The following TATDN3 variants were observed in gnomAD, a reference collection of about 807,000 sequenced individuals.
The protein encoded by TATDN3 is TatD DNase domain containing 3.
Under a neutral mutation model 40.1 loss-of-function variants are expected in TATDN3, and 29 were observed. That is an observed-to-expected ratio of 0.72 (90% CI 0.54 to 0.99). TATDN3 has a LOEUF of 0.99. Ranked by LOEUF, TATDN3 falls within the 50% of genes least tolerant of loss-of-function variation. The probability of loss-of-function intolerance (pLI) is 0.00; values close to 1 mark genes in which losing one functional copy is unlikely to be tolerated. For synonymous variants in TATDN3, 105 were observed against 117.0 expected, an observed-to-expected ratio of 0.90 and a Z score of 0.66; for missense variants, 309 against 321.9, an observed-to-expected ratio of 0.96 and a Z score of 0.31.
At chr1:212,799,528 G>A (rs1662038540) in intron 4 of TATDN3, among the ~76,000 whole-genome samples, 1 of 151,558 alleles carries the variant, frequency 6.6e-6, no homozygotes, top group African/African-American at 2.4e-5. Context: ...CCAACAGTAT[G>A]ATAGGTACTT....
intron 7 of TATDN3, among the ~76,000 whole-genome samples, chr1:212,806,783 TACACAC>T (rs1553257532): frequency 1.3e-5 from 1 of 79,522 alleles, no homozygotes; most frequent in Non-Finnish European, 2.4e-5. Context: ...TATATATATA[TACACAC>T]ACACACACAC....
At chr1:212,812,986 A>C (rs1189597086) in intron 9 of TATDN3, among the ~76,000 whole-genome samples, 1 of 152,132 alleles carries the variant, frequency 6.6e-6, no homozygotes, top group East Asian at 1.9e-4. Flanking sequence ...CAGCCTGGGC[A>C]ACAAGAGCAA....
chr1:212,806,783 T>C (rs9430100), intron 7 of TATDN3, among the ~76,000 whole-genome samples: 22,459 of 79,440 alleles, frequency 0.28, 6,159 homozygotes, highest in East Asian at 0.53. Flanking sequence ...TATATATATA[T>C]ACACACACAC....
chr1:212,810,199 A>G (rs555159952), intron 8 of TATDN3, among the ~76,000 whole-genome samples: 10 of 152,144 alleles, frequency 6.6e-5, no homozygotes, highest in African/African-American at 2.2e-4. Flanking sequence ...CCCTGTCTCT[A>G]CAAAACATAT....
intron 4 of TATDN3, among the ~76,000 whole-genome samples, chr1:212,800,012 G>A (rs1206491391): frequency 6.6e-6 from 1 of 152,158 alleles, no homozygotes; most frequent in Non-Finnish European, 1.5e-5. Context: ...CTTTAAAACA[G>A]GAAGTATGCC....
At chr1:212,799,096 T>C (rs1274802283) in intron 4 of TATDN3, among the ~76,000 whole-genome samples, 1 of 152,076 alleles carries the variant, frequency 6.6e-6, no homozygotes. Context: ...AAGGTAGGAA[T>C]AAGCTCAGTG....
At position 212,816,575 on chromosome 1, in the gene TATDN3, G is replaced by C. The variant is rs1663196512; in HGVS notation, c.*1419G>C. 1.3e-5 allele frequency: 2 copies of C among 152,094 alleles called. No individual in the cohort carries two copies. The highest frequency in any genetic ancestry group is 4.8e-5 in the African/African-American group (2 of 41,434). The allele number at this position is 152,094 out of a possible 1,614,324, so 9.4% of individuals were successfully genotyped here. A position where few individuals can be genotyped will look rare whatever the true frequency, so the allele number is the denominator to read the frequency against. The stretch of plus-strand genomic sequence containing the variant: ...TTGTTAAATTATATAAGCAGAAAAT[G>C]CTGGAAAAAGTACCTGTCATAGAAA... On this transcript the variant is annotated 3_prime_UTR_variant, in exon 10 of 10. Coordinates refer to ENST00000366974, the MANE Select transcript of TATDN3 (RefSeq NM_001042552.3).
intron 4 of TATDN3, among the ~76,000 whole-genome samples, chr1:212,799,861 A>G (rs78900751): frequency 2.0e-5 from 3 of 152,206 alleles, no homozygotes; most frequent in Non-Finnish European, 4.4e-5. Flanking sequence ...TTGATTATCA[A>G]AGCAGATATG....
At chr1:212,796,160 G>T (rs1029276727) in intron 2 of TATDN3, among the ~76,000 whole-genome samples, 7 of 152,198 alleles carry the variant, frequency 4.6e-5, no homozygotes, top group African/African-American at 1.7e-4. Flanking sequence ...AATGGTTGTA[G>T]TGCATTTTTA....
chr1:212,798,554 A>G (rs571433946), intron 4 of TATDN3, among the ~76,000 whole-genome samples: 197 of 149,164 alleles, frequency 1.3e-3, no homozygotes, highest in Non-Finnish European at 2.1e-3. Context: ...AAAAAAAAAA[A>G]AAAAGAAAAG....
intron 1 of TATDN3, among the ~76,000 whole-genome samples, chr1:212,794,410 G>A: frequency 6.6e-6 from 1 of 152,126 alleles, no homozygotes; most frequent in Non-Finnish European, 1.5e-5. Context: ...GGCCAACATG[G>A]TGAAACACCA....
intron 7 of TATDN3, among the ~76,000 whole-genome samples, chr1:212,807,456 T>C (rs1319108556): frequency 6.6e-6 from 1 of 152,056 alleles, no homozygotes; most frequent in East Asian, 1.9e-4. Flanking sequence ...TTTCACCATG[T>C]TGGCCAGGCT....
At chr1:212,806,642 G>A (rs1032963) in intron 7 of TATDN3, among the ~76,000 whole-genome samples, 94,350 of 148,036 alleles carry the variant, frequency 0.64, 30,458 homozygotes, top group Non-Finnish European at 0.69. Flanking sequence ...CAGCATCCCA[G>A]AGTGCTGGGA....
rs758282316 is a variant in TATDN3 at position 212,804,353 on chromosome 1, AC to A, written c.356del (p.Thr119MetfsTer12). On this transcript the variant is annotated frameshift_variant, in exon 6 of 10. Transcript: ENST00000366974. LOFTEE classifies it high-confidence loss of function. ...AGATTTCTCCCCCAGATTTGCTGGCACTGGTGAACAGAAGGAAGAGCAAAGA... is the reference window on the plus strand; with the variant it reads ...AGATTTCTCCCCCAGATTTGCTGGCATGGTGAACAGAAGGAAGAGCAAAGA... ...GLDFSPRFAG[T>X]GEQKEEQRQV... 50 of 1,614,066 alleles carry A rather than the reference AC, an allele frequency of 3.1e-5. No homozygotes were observed. The Admixed American group carries it at 5.3e-4, about 17-fold the overall frequency.
Position 212,815,310 on chromosome 1 carries a change from TG to T in TATDN3, c.*157del. On this transcript the variant is annotated 3_prime_UTR_variant, in exon 10 of 10. Coordinates refer to ENST00000366974, the MANE Select transcript of TATDN3 (RefSeq NM_001042552.3). ...GAAATATTTCTCTTAGAAATAAAAC[TG>T]GGCTTGGATCCTGAAACCCTGGGTT... 1.1e-6 allele frequency: 1 copy of T among 915,330 alleles called. No individual in the cohort carries two copies. The highest frequency in any genetic ancestry group is 1.5e-6 in the Non-Finnish European group (1 of 665,736). The allele number at this position is 915,330 out of a possible 1,614,324, so 56.7% of individuals were successfully genotyped here.
intron 4 of TATDN3, among the ~76,000 whole-genome samples, chr1:212,799,188 A>G (rs1023336550): frequency 6.6e-6 from 1 of 152,146 alleles, no homozygotes; most frequent in African/African-American, 2.4e-5. Context: ...ATGGGTGGAG[A>G]TCTCATACAG....
intron 8 of TATDN3, among the ~76,000 whole-genome samples, chr1:212,811,309 T>G (rs1197211895): frequency 6.6e-6 from 1 of 152,066 alleles, no homozygotes; most frequent in Non-Finnish European, 1.5e-5. Context: ...ATTTTTGTAT[T>G]TTTAGTAGAG....
chr1:212,797,206 A>AAAAGG lies in TATDN3; in HGVS notation c.258+10_258+11insAAAGG, dbSNP rs755147863. Reference sequence around the variant, plus strand: ...AAGTGTCACACTAAAGGTAACAGTCATACAAAACAGGAACCATTAAAAACA... The same window carrying AAAAGG: ...AAGTGTCACACTAAAGGTAACAGTCAAAAGGTACAAAACAGGAACCATTAAAAACA... On this transcript the variant is annotated intron_variant, in intron 4 of 9. Transcript: ENST00000366974. 2.5e-6 allele frequency: 4 copies of AAAAGG among 1,605,916 alleles called. No homozygotes were observed. The South Asian group carries it at 3.3e-5, about 13-fold the overall frequency.
intron 1 of TATDN3, among the ~76,000 whole-genome samples, chr1:212,792,562 G>C (rs1214649669): frequency 6.7e-6 from 1 of 149,086 alleles, no homozygotes; most frequent in African/African-American, 2.5e-5. Flanking sequence ...TGGAGCCCAG[G>C]AGGTGGAGGT....
Sources: gnomAD v4.1 joint callset for allele counts (sites outside exome capture counted in the v4.1 genomes callset) on GRCh38, gnomAD v4.1.1 for gene constraint, MANE v1.5 for transcripts, NCBI Gene and HGNC (gene_info 2026-07-23, HGNC 2026-07-21) for gene names.